The following PSMD14 variants were observed in gnomAD, a reference collection of about 807,000 sequenced individuals.
PSMD14 encodes ubiquitin C-terminal hydrolase PSMD14.
Under a neutral mutation model 41.2 loss-of-function variants are expected in PSMD14, and 7 were observed. The ratio of observed to expected loss-of-function variants is 0.17; its 90% CI spans 0.10 to 0.32. The LOEUF (loss-of-function observed/expected upper bound fraction) is 0.32. Ranked by LOEUF, PSMD14 falls within the 10% of genes least tolerant of loss-of-function variation. The pLI is 1.00. For synonymous variants in PSMD14, 114 were observed against 122.3 expected (o/e 0.93, Z 0.45); for missense variants, 139 against 375.6 (o/e 0.37, Z 5.21).
At chr2:161,371,646 G>A (rs1484710540) in intron 7 of PSMD14, among the ~76,000 whole-genome samples, 5 of 151,974 alleles carry the variant, frequency 3.3e-5, no homozygotes, top group Admixed American at 6.6e-5. Flanking sequence ...AATAAACATT[G>A]CTTTACCTTT....
chr2:161,379,720 A>C (rs910409359), intron 7 of PSMD14, among the ~76,000 whole-genome samples: 2 of 152,016 alleles, frequency 1.3e-5, no homozygotes, highest in African/African-American at 4.8e-5. Flanking sequence ...GAAAGGGGAG[A>C]GCCTTCAGAC....
intron 10 of PSMD14, among the ~76,000 whole-genome samples, chr2:161,396,495 G>A (rs1220030435): frequency 6.6e-6 from 1 of 152,144 alleles, no homozygotes; most frequent in Non-Finnish European, 1.5e-5. Context: ...GGATAAACCT[G>A]TAGGGCATTA....
chr2:161,391,359 C>T (rs1683709328), intron 9 of PSMD14, among the ~76,000 whole-genome samples, 181 bp downstream of exon 9: 1 of 152,048 alleles, frequency 6.6e-6, no homozygotes, highest in Non-Finnish European at 1.5e-5. Flanking sequence ...TTTAAAGACA[C>T]ATTTCACCTT....
chr2:161,408,927 A>G (rs1316132667), intron 11 of PSMD14, 28 bp downstream of exon 11: 4 of 1,553,124 alleles, frequency 2.6e-6, no homozygotes, highest in Non-Finnish European at 3.5e-6. Flanking sequence ...TAAGTTATGC[A>G]GTTGCATAAT....
chr2:161,380,512 C>T (rs1683558679), intron 7 of PSMD14, among the ~76,000 whole-genome samples: 2 of 151,978 alleles, frequency 1.3e-5, no homozygotes, highest in South Asian at 4.1e-4. Context: ...ATGCAAGTTA[C>T]ACCCCATCCC....
intron 3 of PSMD14, among the ~76,000 whole-genome samples, chr2:161,331,447 A>G (rs1287692193): frequency 1.3e-5 from 2 of 151,872 alleles, no homozygotes; most frequent in African/African-American, 4.8e-5. Flanking sequence ...TTTAGTAGAG[A>G]CGGGGTTTCA....
At chr2:161,392,770 A>G (rs1683730269) in intron 9 of PSMD14, among the ~76,000 whole-genome samples, 1 of 152,074 alleles carries the variant, frequency 6.6e-6, no homozygotes, top group Non-Finnish European at 1.5e-5. Context: ...GATTAAGTGT[A>G]TTTTTAACAC....
intron 3 of PSMD14, among the ~76,000 whole-genome samples, chr2:161,331,773 A>T (rs957271546): frequency 1.3e-5 from 2 of 152,194 alleles, no homozygotes; most frequent in Admixed American, 1.3e-4. Context: ...TTTAAAAAAA[A>T]TGGGGTGGGG....
At chr2:161,356,309 C>G (rs938709950) in intron 3 of PSMD14, among the ~76,000 whole-genome samples, 3 of 152,114 alleles carry the variant, frequency 2.0e-5, no homozygotes, top group Non-Finnish European at 4.4e-5. Context: ...TTACATGCAG[C>G]TTGTTTTTCA....
At chr2:161,367,658 G>T in intron 4 of PSMD14, 109 bp downstream of exon 4, 1 of 1,420,094 alleles carries the variant, frequency 7.0e-7, no homozygotes, top group Non-Finnish European at 9.5e-7. Flanking sequence ...ATAAGCTATT[G>T]TTTTAGGTAC....
intron 3 of PSMD14, among the ~76,000 whole-genome samples, chr2:161,325,872 A>G (rs1337752367): frequency 6.6e-6 from 1 of 152,216 alleles, no homozygotes; most frequent in African/African-American, 2.4e-5. Flanking sequence ...GGTTTGTAAT[A>G]TAAGTGACAT....
At chr2:161,381,110 T>C (rs942749744) in intron 7 of PSMD14, among the ~76,000 whole-genome samples, 10 of 151,738 alleles carry the variant, frequency 6.6e-5, no homozygotes, top group African/African-American at 2.4e-4. Flanking sequence ...TTTTACTTTT[T>C]TTCTTTTTAG....
chr2:161,383,138 G>T (rs1369773841), intron 7 of PSMD14: 1 of 151,508 alleles, frequency 6.6e-6, no homozygotes, highest in South Asian at 2.1e-4. Flanking sequence ...ATTTTGATAG[G>T]TTGCTCTAAA....
intron 7 of PSMD14, among the ~76,000 whole-genome samples, chr2:161,374,786 T>C (rs181916156): frequency 6.6e-6 from 1 of 152,116 alleles, no homozygotes; most frequent in Non-Finnish European, 1.5e-5. Context: ...TACTTCTTTC[T>C]TGAGGCAAAA....
chr2:161,320,169 T>A (rs1689187852), intron 3 of PSMD14, among the ~76,000 whole-genome samples: 1 of 152,170 alleles, frequency 6.6e-6, no homozygotes, highest in African/African-American at 2.4e-5. Flanking sequence ...GCAGAGGTGG[T>A]ATGTAGATAG....
intron 3 of PSMD14, among the ~76,000 whole-genome samples, chr2:161,355,857 C>T (rs1056745096): frequency 6.6e-6 from 1 of 152,138 alleles, no homozygotes; most frequent in African/African-American, 2.4e-5. Flanking sequence ...AATGGAAACC[C>T]TATGTGATTA....
chr2:161,330,030 C>T (rs1360339206), intron 3 of PSMD14, among the ~76,000 whole-genome samples: 1 of 152,010 alleles, frequency 6.6e-6, no homozygotes, highest in Non-Finnish European at 1.5e-5. Context: ...TGTGATAGGT[C>T]TTTTGAGAGG....
intron 5 of PSMD14, among the ~76,000 whole-genome samples, chr2:161,368,575 T>A (rs1683390978): frequency 6.6e-6 from 1 of 152,000 alleles, no homozygotes; most frequent in African/African-American, 2.4e-5. Context: ...TGAAAGAAAA[T>A]AGCCAAAAAA....
intron 3 of PSMD14, among the ~76,000 whole-genome samples, chr2:161,339,472 C>T (rs577746140): frequency 6.9e-6 from 1 of 145,562 alleles, no homozygotes; most frequent in South Asian, 2.2e-4. Flanking sequence ...CTGGTTTTTA[C>T]TGGGTGGGTT....
Sources: gnomAD v4.1 joint callset for allele counts (sites outside exome capture counted in the v4.1 genomes callset) on GRCh38, gnomAD v4.1.1 for gene constraint, MANE v1.5 for transcripts, NCBI Gene and HGNC (gene_info 2026-07-23, HGNC 2026-07-21) for gene names.